ARHGAP18: variants seen among roughly 807,000 people sequenced by gnomAD.
ARHGAP18 encodes the protein rho GTPase-activating protein 18.
ARHGAP18 carries 67 observed loss-of-function variants against 86.2 expected under a neutral mutation model. The ratio of observed to expected loss-of-function variants is 0.78; its 90% confidence interval spans 0.64 to 0.95. The LOEUF (loss-of-function observed/expected upper bound fraction) is 0.95. Among genes scored for constraint, ARHGAP18 ranks in the 40% least tolerant of loss-of-function variants. ARHGAP18 has a pLI of 0.00. For missense variants in ARHGAP18, 691 were observed against 780.4 expected (o/e 0.89, Z 1.37); for synonymous variants, 283 against 280.4 (o/e 1.01, Z -0.09).
intron 1 of ARHGAP18, among the ~76,000 whole-genome samples, chr6:129,656,642 T>C (rs955541506): frequency 1.3e-5 from 2 of 150,374 alleles, no homozygotes; most frequent in African/African-American, 4.9e-5. Context: ...AGATTCCGTC[T>C]CAAAAAAATA....
In ARHGAP18 at chr6:129,578,600, T is replaced by A; in HGVS notation, c.1905A>T (p.Glu635Asp). The A allele has an allele frequency of 6.2e-7, 1 of 1,609,178 alleles. No homozygotes were observed. Among genetic ancestry groups the A allele is most frequent in the Non-Finnish European group, 8.5e-7 (1 of 1,177,048 alleles). The change falls in exon 15 of 15, where the codon GAA becomes GAT. Residue 635 changes from glutamate to aspartate, a missense_variant. Transcript: ENST00000368149. ...FLYEIGGNIGERCLDDDTYMK... is the reference protein window; with the variant it reads ...FLYEIGGNIGDRCLDDDTYMK... The stretch of plus-strand genomic sequence containing the variant: ...TGTAAGTGTCATCATCAAGGCAGCG[T>A]TCCCCTGTTAAAATAGATGTTGTGT...
At chr6:129,655,039 G>C (rs541798148) in intron 1 of ARHGAP18, among the ~76,000 whole-genome samples, 28 of 152,232 alleles carry the variant, frequency 1.8e-4, no homozygotes, top group Admixed American at 3.3e-4. Flanking sequence ...GGAGAGGCTC[G>C]GCCGGGTGCG....
At position 129,584,047 on chromosome 6, in the gene ARHGAP18, T is replaced by C; in HGVS notation, c.1779A>G (p.Ile593Met). Residue 593 changes from isoleucine to methionine, a missense_variant, in exon 13 of 15, where the codon ATA (isoleucine) becomes ATG (methionine). Physicochemically the swap from Ile to Met is conservative, Grantham distance 10 (BLOSUM62 1). Coordinates refer to ENST00000368149, the MANE Select transcript of ARHGAP18 (RefSeq NM_033515.3). ...APHLSKVSMAIQLTEELKASD... is the reference protein window; with the variant it reads ...APHLSKVSMAMQLTEELKASD... ...TGGCTTTTAGTTCTTCAGTTAGCTG[T>C]ATTGCCATGGAAACTTTCGAAAGAT... The C allele has an allele frequency of 6.2e-7, 1 of 1,613,886 alleles. No homozygotes were observed. The highest frequency in any genetic ancestry group is 8.5e-7 in the Non-Finnish European group (1 of 1,179,872).
intron 5 of ARHGAP18, among the ~76,000 whole-genome samples, chr6:129,628,343 T>C (rs1773087932): frequency 6.6e-6 from 1 of 152,116 alleles, no homozygotes; most frequent in Non-Finnish European, 1.5e-5. Context: ...GAAGGAATAA[T>C]AGAATTTTAA....
chr6:129,680,690 G>C (rs1343586059), intron 1 of ARHGAP18, among the ~76,000 whole-genome samples: 1 of 152,210 alleles, frequency 6.6e-6, no homozygotes, highest in Non-Finnish European at 1.5e-5. Flanking sequence ...TGGTACCCTG[G>C]AGCCAGATCG....
intron 1 of ARHGAP18, among the ~76,000 whole-genome samples, chr6:129,680,080 G>A (rs922677946): frequency 6.6e-6 from 1 of 152,074 alleles, no homozygotes; most frequent in Non-Finnish European, 1.5e-5. Context: ...GGACCCAACT[G>A]GATAATCCAG....
intron 1 of ARHGAP18, among the ~76,000 whole-genome samples, chr6:129,674,158 C>G (rs546254432): frequency 6.6e-6 from 1 of 152,152 alleles, no homozygotes; most frequent in South Asian, 2.1e-4. Context: ...ATTATAACCA[C>G]CTGGTATTGA....
intron 8 of ARHGAP18, among the ~76,000 whole-genome samples, chr6:129,608,760 A>G (rs1788912907): frequency 6.6e-6 from 1 of 152,198 alleles, no homozygotes; most frequent in Non-Finnish European, 1.5e-5. Context: ...TTTACTATAT[A>G]TAAATCCTAT....
At chr6:129,640,064 ACAAAC>A (rs1562705841) in intron 2 of ARHGAP18, among the ~76,000 whole-genome samples, 2 of 138,206 alleles carry the variant, frequency 1.4e-5, no homozygotes, top group Non-Finnish European at 3.1e-5. Flanking sequence ...AAAAAAAAAA[ACAAAC>A]AAAAGTCAGC....
intron 1 of ARHGAP18, among the ~76,000 whole-genome samples, chr6:129,703,772 C>T (rs1050915961): frequency 1.3e-5 from 2 of 152,154 alleles, no homozygotes; most frequent in Non-Finnish European, 2.9e-5. Context: ...TTACAAAGGA[C>T]TCTTATGTCA....
chr6:129,593,487 T>G (rs1788558362), intron 12 of ARHGAP18, among the ~76,000 whole-genome samples: 1 of 152,032 alleles, frequency 6.6e-6, no homozygotes, highest in Non-Finnish European at 1.5e-5. Flanking sequence ...TTTAAAAAAT[T>G]AAATATTACA....
intron 8 of ARHGAP18, among the ~76,000 whole-genome samples, chr6:129,609,598 T>G (rs1322092276): frequency 1.3e-5 from 2 of 151,194 alleles, no homozygotes; most frequent in South Asian, 2.1e-4. Context: ...AGGAATTATA[T>G]CTTTGTTAGT....
At chr6:129,690,944 T>C (rs897508220) in intron 1 of ARHGAP18, among the ~76,000 whole-genome samples, 7 of 152,238 alleles carry the variant, frequency 4.6e-5, no homozygotes, top group Non-Finnish European at 8.8e-5. Flanking sequence ...TACCTTTGAA[T>C]TGTATTTTTT....
intron 1 of ARHGAP18, among the ~76,000 whole-genome samples, chr6:129,697,945 G>A (rs540882895): frequency 6.6e-6 from 1 of 152,110 alleles, no homozygotes; most frequent in Non-Finnish European, 1.5e-5. Context: ...TATAGAATAC[G>A]TTGATCGAGT....
chr6:129,594,156 G>GTC (rs897790867), intron 12 of ARHGAP18, among the ~76,000 whole-genome samples: 2 of 152,018 alleles, frequency 1.3e-5, no homozygotes, highest in African/African-American at 4.8e-5. Context: ...ATGATCTATA[G>GTC]TCTCTTTCAC....
rs764794983 is a variant in ARHGAP18, at chr6:129,668,397, CACAG to C, written c.114-26383_114-26380del. ...ACACACACACACACACACACACACA[CACAG>C]ACACACACACCATTAAAAACAGTCT... On this transcript the variant is annotated intron_variant, in intron 1 of 14. Transcript: ENST00000368149. Among the ~76,000 whole-genome samples, 842 of 138,344 alleles carry C rather than the reference CACAG, an allele frequency of 6.1e-3. 4 individuals carry two copies. Among genetic ancestry groups the C allele is most frequent in the Non-Finnish European group, 0.01 (613 of 60,600 alleles). The allele number at this position is 138,344 out of a possible 152,430, so 90.8% of individuals were successfully genotyped here.
intron 1 of ARHGAP18, among the ~76,000 whole-genome samples, chr6:129,651,029 C>CT (rs1486309949): frequency 3.3e-5 from 5 of 151,926 alleles, no homozygotes; most frequent in South Asian, 4.2e-4. Flanking sequence ...TTTCTTTTTT[C>CT]TTTTTTTTCC....
At chr6:129,703,738 T>C (rs1463348635) in intron 1 of ARHGAP18, among the ~76,000 whole-genome samples, 1 of 152,208 alleles carries the variant, frequency 6.6e-6, no homozygotes. Flanking sequence ...ATAGGGTTTT[T>C]AAACCACAGT....
intron 12 of ARHGAP18, among the ~76,000 whole-genome samples, chr6:129,592,388 T>C (rs1048560456): frequency 6.6e-6 from 1 of 152,214 alleles, no homozygotes; most frequent in African/African-American, 2.4e-5. Flanking sequence ...CTGCTGCCAA[T>C]GCCAGGATTC....
Sources: allele counts gnomAD v4.1 joint callset (sites outside exome capture counted in the v4.1 genomes callset), GRCh38; gene constraint gnomAD v4.1.1; transcripts MANE v1.5; gene names NCBI Gene and HGNC (gene_info 2026-07-23, HGNC 2026-07-21).